Variants in AGAP1 observed in about 807,000 individuals in gnomAD.
AGAP1 encodes the protein ArfGAP with GTPase domain, ankyrin repeat and PH domain 1.
Under a neutral mutation model 105.3 loss-of-function variants are expected in AGAP1, and 29 were observed. The ratio of observed to expected loss-of-function variants is 0.28; its 90% CI spans 0.21 to 0.38. AGAP1 has a LOEUF of 0.38. AGAP1 is among the 10% of genes least tolerant of loss of function. The pLI is 1.00. For missense variants in AGAP1, 998 were observed against 1,165.1 expected, an observed-to-expected ratio of 0.86 and a Z score of 2.09; for synonymous variants, 509 against 485.9, an observed-to-expected ratio of 1.05 and a Z score of -0.63.
chr2:235,697,577 C>T (rs6722052), intron 1 of AGAP1, among the ~76,000 whole-genome samples: 4,782 of 152,178 alleles, frequency 0.031, 212 homozygotes, highest in African/African-American at 0.092. Context: ...CCTTGCCCCA[C>T]GGACCCTCCC....
Position 235,927,671 on chromosome 2 carries a change from T to C in AGAP1, c.1325-3094T>C, listed in dbSNP as rs950082234. On this transcript the variant is annotated intron_variant, in intron 11 of 17. Coordinates refer to ENST00000304032, the MANE Select transcript of AGAP1 (RefSeq NM_001037131.3). The surrounding 1 kb of genome is among the most constrained non-coding windows in gnomAD (Gnocchi z 4.4). ...GTTGATACTTACTTCTGGAGCTTTA[T>C]TGCAAGTAGTCAGTGATGGATGCAC... 6.6e-6 allele frequency among the ~76,000 whole-genome samples: 1 copy of C among 152,220 alleles called. No individual in the cohort carries two copies. Among genetic ancestry groups the C allele is most frequent in the Non-Finnish European group, 1.5e-5 (1 of 68,036 alleles).
In AGAP1 at chr2:235,884,939, C is replaced by T. The variant is rs1230263769; in HGVS notation, c.1155+1490C>T. Among the ~76,000 whole-genome samples the T allele has an allele frequency of 2.0e-5, 3 of 152,060 alleles. No homozygotes were observed. The South Asian group carries it at 6.2e-4, about 32-fold the overall frequency. ...TGTTGCCCAGGCTAGTTTTGAATTC[C>T]TGGCCTCAAGCAATCTGCCTAACCT... On this transcript the variant is annotated intron_variant, in intron 10 of 17. Coordinates refer to ENST00000304032, the MANE Select transcript of AGAP1 (RefSeq NM_001037131.3).
chr2:235,583,937 C>T (rs1243961090), intron 1 of AGAP1, among the ~76,000 whole-genome samples: 2 of 150,634 alleles, frequency 1.3e-5, no homozygotes, highest in East Asian at 4.0e-4. Context: ...AACTCCTGGA[C>T]TTAAATGATC....
At position 235,927,170 on chromosome 2, in the gene AGAP1, G is replaced by A. The variant is rs530000502; in HGVS notation, c.1325-3595G>A. Among the ~76,000 whole-genome samples the A allele has an allele frequency of 1.7e-4, 26 of 152,258 alleles. No homozygotes were observed. Among genetic ancestry groups the A allele is most frequent in the Non-Finnish European group, 8.8e-5 (6 of 68,024 alleles). On this transcript the variant is annotated intron_variant, in intron 11 of 17. Coordinates refer to ENST00000304032, the MANE Select transcript of AGAP1 (RefSeq NM_001037131.3). The surrounding 1 kb of genome is among the most constrained non-coding windows in gnomAD (Gnocchi z 4.4). ...GGGAAGTGGGTGTGGCTGGGGCTGGGGGGCCTTCACGAGCTATAGGGCTCT... is the reference window on the plus strand; with the variant it reads ...GGGAAGTGGGTGTGGCTGGGGCTGGAGGGCCTTCACGAGCTATAGGGCTCT...
In AGAP1 at chr2:235,905,705, G is replaced by T. The variant is rs2051271936; in HGVS notation, c.1156-3033G>T. On this transcript the variant is annotated intron_variant, in intron 10 of 17. Coordinates refer to ENST00000304032, the MANE Select transcript of AGAP1 (RefSeq NM_001037131.3). This position sits in a 1 kb window ranked among gnomAD's most constrained non-coding sequence, Gnocchi z 4.2. ...GTAGAGCAGGCATTTCACCGTGTTG[G>T]CTAGGCTGGTCTTGAACTCCTGACC... Among the ~76,000 whole-genome samples the T allele has an allele frequency of 6.6e-6, 1 of 152,102 alleles. No individual in the cohort carries two copies. Among genetic ancestry groups the T allele is most frequent in the Admixed American group, 6.5e-5 (1 of 15,270 alleles).
At chr2:235,640,986 A>G (rs1947171225) in intron 1 of AGAP1, among the ~76,000 whole-genome samples, 1 of 152,194 alleles carries the variant, frequency 6.6e-6, no homozygotes, top group East Asian at 1.9e-4. Context: ...GTCTGATAAC[A>G]ATGTCTTTTA....
At position 235,700,659 on chromosome 2, in the gene AGAP1, GC is replaced by G. The variant is rs1022884161; in HGVS notation, c.164-8519del. Among the ~76,000 whole-genome samples, 9 of 151,884 alleles carry G rather than the reference GC, an allele frequency of 5.9e-5. No homozygotes were observed. The highest frequency in any genetic ancestry group is 2.2e-4 in the African/African-American group (9 of 41,350). On this transcript the variant is annotated intron_variant, in intron 1 of 17. Transcript: ENST00000304032. This position sits in a 1 kb window ranked among gnomAD's most constrained non-coding sequence, Gnocchi z 6.1. ...TACTGAAAATACAAAAATTAGCCAG[GC>G]ATGGTAGCGCGTGCCTGTAGTCCCA...
rs1448125463 is a variant in AGAP1, at chr2:236,016,448, C to T, written c.1646-20113C>T. ...ACAAATTTGTTTATTGACTTCCAGCCTTTAAAAAAAAATTGTGAGGTCTGG... is the reference window on the plus strand; with the variant it reads ...ACAAATTTGTTTATTGACTTCCAGCTTTTAAAAAAAAATTGTGAGGTCTGG... On this transcript the variant is annotated intron_variant, in intron 13 of 17. Transcript: ENST00000304032. Among the ~76,000 whole-genome samples, 3 of 145,604 alleles carry T rather than the reference C, an allele frequency of 2.1e-5. No homozygotes were observed. The Admixed American group carries it at 2.1e-4, about 10-fold the overall frequency.
Position 235,864,537 on chromosome 2 carries a change from A to G in AGAP1, c.1051-18808A>G, listed in dbSNP as rs1473317106. The stretch of plus-strand genomic sequence containing the variant: ...CCACTGCGCGGCCCCGGAGCCCCCA[A>G]ACGCAGGTCAGCATGGAGGGGCAGC... On this transcript the variant is annotated intron_variant, in intron 9 of 17. Transcript: ENST00000304032. The surrounding 1 kb of genome is among the most constrained non-coding windows in gnomAD (Gnocchi z 5.0). Among the ~76,000 whole-genome samples the G allele has an allele frequency of 6.6e-6, 1 of 152,210 alleles. No individual in the cohort carries two copies. The highest frequency in any genetic ancestry group is 2.4e-5 in the African/African-American group (1 of 41,464).
At position 235,705,545 on chromosome 2, in the gene AGAP1, A is replaced by G. The variant is rs1259744060; in HGVS notation, c.164-3634A>G. Among the ~76,000 whole-genome samples the G allele has an allele frequency of 6.6e-6, 1 of 152,222 alleles. No individual in the cohort carries two copies. The highest frequency in any genetic ancestry group is 2.4e-5 in the African/African-American group (1 of 41,464). On this transcript the variant is annotated intron_variant, in intron 1 of 17. Coordinates refer to ENST00000304032, the MANE Select transcript of AGAP1 (RefSeq NM_001037131.3). The surrounding 1 kb of genome is among the most constrained non-coding windows in gnomAD (Gnocchi z 4.9). The stretch of plus-strand genomic sequence containing the variant: ...CCAGCACAGTGTCCAGCCCACAGAT[A>G]GGTCCCTGTAGTGGAGTAGGAGGAA...
chr2:235,704,287 A>G (rs1460950818), intron 1 of AGAP1, among the ~76,000 whole-genome samples: 1 of 152,242 alleles, frequency 6.6e-6, no homozygotes, highest in Non-Finnish European at 1.5e-5. Flanking sequence ...TCTGCTTAGC[A>G]AATTTTGAAA....
intron 1 of AGAP1, among the ~76,000 whole-genome samples, chr2:235,516,162 C>T (rs1437130430): frequency 1.3e-5 from 2 of 152,048 alleles, no homozygotes; most frequent in Admixed American, 6.5e-5. Flanking sequence ...ATGGTTGGAA[C>T]GTGCTGTCTT....
chr2:236,049,404 G>A (rs969116755), intron 16 of AGAP1, 123 bp downstream of exon 16: 4 of 832,092 alleles, frequency 4.8e-6, no homozygotes, highest in Non-Finnish European at 3.7e-6. Flanking sequence ...CGGGAATTCC[G>A]ATTCATCCGG....
rs1157262628 is a variant in AGAP1 at position 235,642,343 on chromosome 2, G to A, written c.164-66836G>A. On this transcript the variant is annotated intron_variant, in intron 1 of 17. Coordinates refer to ENST00000304032, the MANE Select transcript of AGAP1 (RefSeq NM_001037131.3). The surrounding 1 kb of genome is among the most constrained non-coding windows in gnomAD (Gnocchi z 4.1). Reference sequence around the variant, plus strand: ...CTGCACTCAACCTCCTGGGACCTGGGGCTGCACCCACTGGCATTGATTAGA... The same window carrying A: ...CTGCACTCAACCTCCTGGGACCTGGAGCTGCACCCACTGGCATTGATTAGA... Among the ~76,000 whole-genome samples the A allele has an allele frequency of 6.6e-6, 1 of 152,220 alleles. No homozygotes were observed. Among genetic ancestry groups the A allele is most frequent in the African/African-American group, 2.4e-5 (1 of 41,464 alleles).
chr2:235,738,563 C>CTTT (rs749327124), intron 3 of AGAP1, among the ~76,000 whole-genome samples: 6 of 144,096 alleles, frequency 4.2e-5, no homozygotes, highest in African/African-American at 1.3e-4. Context: ...TTCTTTCTTT[C>CTTT]TTTTTTTTTT....
intron 8 of AGAP1, among the ~76,000 whole-genome samples, chr2:235,803,141 G>A (rs1957660546): frequency 6.9e-6 from 1 of 144,538 alleles, no homozygotes; most frequent in South Asian, 2.3e-4. Flanking sequence ...TGGTGATGGT[G>A]ATGGTCATGA....
chr2:235,835,026 A>G lies in AGAP1; in HGVS notation c.1050+27695A>G, dbSNP rs1049732021. 9.1e-4 allele frequency among the ~76,000 whole-genome samples: 138 copies of G among 152,314 alleles called. 2 individuals are homozygous for G. The highest frequency in any genetic ancestry group is 1.5e-4 in the Non-Finnish European group (10 of 68,016). ...AAACCAGAGCAGGGAGTCTCGCTTA[A>G]AGTCTTGGCATCCTCGCCCCTCGGC... On this transcript the variant is annotated intron_variant, in intron 9 of 17. Coordinates refer to ENST00000304032, the MANE Select transcript of AGAP1 (RefSeq NM_001037131.3).
At chr2:235,856,158 C>T (rs1226063070) in intron 9 of AGAP1, among the ~76,000 whole-genome samples, 2 of 152,104 alleles carry the variant, frequency 1.3e-5, no homozygotes, top group African/African-American at 4.8e-5. Context: ...GTGAGCCACT[C>T]GCCTCGGCCT....
In AGAP1 at chr2:236,078,422, T is replaced by C. The variant is rs962504663; in HGVS notation, c.2114+29141T>C. ...CCTTCACAGCAATGCATAGGTTGTG[T>C]GTGATGAAATCACTGGCCGCCGTGG... On this transcript the variant is annotated intron_variant, in intron 16 of 17. Transcript: ENST00000304032. The surrounding 1 kb of genome is among the most constrained non-coding windows in gnomAD (Gnocchi z 5.3). Among the ~76,000 whole-genome samples the C allele has an allele frequency of 6.6e-6, 1 of 152,134 alleles. No individual in the cohort carries two copies. The highest frequency in any genetic ancestry group is 6.5e-5 in the Admixed American group (1 of 15,274).
Sources: allele counts gnomAD v4.1 joint callset (sites outside exome capture counted in the v4.1 genomes callset), GRCh38; gene constraint gnomAD v4.1.1; non-coding constraint Gnocchi (gnomAD v3.1); transcripts MANE v1.5; gene names NCBI Gene and HGNC (gene_info 2026-07-23, HGNC 2026-07-21).